Variants in ARHGAP19 observed in about 807,000 individuals in gnomAD.
The protein encoded by ARHGAP19 is Rho GTPase activating protein 19.
A neutral mutation model predicts 60.9 loss-of-function variants in ARHGAP19; 48 were observed. That is an observed-to-expected ratio of 0.79 (90% CI 0.62 to 1.00). ARHGAP19 has a LOEUF of 1.00. ARHGAP19 is among the 50% of genes least tolerant of loss of function. The probability of loss-of-function intolerance (pLI) is 0.00; values close to 1 mark genes in which losing one functional copy is unlikely to be tolerated. For missense variants in ARHGAP19, 562 were observed against 597.2 expected, an observed-to-expected ratio of 0.94 and a Z score of 0.61; for synonymous variants, 209 against 215.5, an observed-to-expected ratio of 0.97 and a Z score of 0.27.
intron 1 of ARHGAP19, among the ~76,000 whole-genome samples, chr10:97,273,039 A>G (rs929704886): frequency 4.6e-5 from 7 of 151,346 alleles, no homozygotes; most frequent in African/African-American, 1.5e-4. Context: ...ACGGGGTTTC[A>G]CCGTGTTAGC....
rs34038589 is a variant in ARHGAP19 at position 97,244,054 on chromosome 10, G to A, written c.1099C>T (p.His367Tyr). 35,552 of 1,613,956 alleles carry A rather than the reference G, an allele frequency of 0.022. 494 individuals are homozygous for A. Among genetic ancestry groups the A allele is most frequent in the Middle Eastern group, 0.036 (219 of 6,062 alleles). Residue 367 changes from histidine (H) to tyrosine (Y), a missense_variant, in exon 8 of 12, where the codon CAC (histidine) becomes TAC (tyrosine). His to Tyr is a moderately conservative substitution (Grantham distance 83). Coordinates refer to ENST00000358531, the MANE Select transcript of ARHGAP19 (RefSeq NM_032900.6). ...DSCPHQEETQ[H>Y]HTEEALRELF... is the part of the protein sequence containing the mutation. ...TCTCTCAGTGCCTCTTCCGTATGGT[G>A]CTGGGTCTCCTCCTGGTGAGGGCAG...
At chr10:97,254,489 G>T (rs984687307) in intron 6 of ARHGAP19, among the ~76,000 whole-genome samples, 1 of 152,142 alleles carries the variant, frequency 6.6e-6, no homozygotes, top group Non-Finnish European at 1.5e-5. Context: ...ACATGCAAAA[G>T]AATGAGGTTG....
chr10:97,244,136 T>G lies in ARHGAP19; in HGVS notation c.1017A>C (p.Ser339=), dbSNP rs566602798. The G allele has an allele frequency of 2.0e-5, 32 of 1,612,802 alleles. 1 individual carries two copies. In the South Asian group the frequency reaches 3.2e-4, roughly 16 times the overall value. Reference sequence around the variant, plus strand: ...CCAGCTGAAAGGACTTAGTATGACATGAAGCTATGAGGTCAAGGTCATCCT... The same window carrying G: ...CCAGCTGAAAGGACTTAGTATGACAGGAAGCTATGAGGTCAAGGTCATCCT... ...ASKDDLDLIA[S]CHTKSFQLAK... The change falls in exon 8 of 12, where the codon TCA becomes TCC. Residue 339 remains serine (S), a synonymous_variant. Transcript: ENST00000358531.
chr10:97,254,902 T>C (rs1026471695), intron 6 of ARHGAP19, among the ~76,000 whole-genome samples: 11 of 152,200 alleles, frequency 7.2e-5, no homozygotes, highest in African/African-American at 2.4e-4. Context: ...AAGGAAATCC[T>C]GTCACATGCT....
intron 6 of ARHGAP19, among the ~76,000 whole-genome samples, chr10:97,248,078 G>A (rs773633538): frequency 6.7e-6 from 1 of 149,944 alleles, no homozygotes; most frequent in Non-Finnish European, 1.5e-5. Context: ...TGATTCTTCC[G>A]CCTCAGCCTC....
At chr10:97,290,090 C>A (rs1401162703) in intron 1 of ARHGAP19, among the ~76,000 whole-genome samples, 2 of 152,068 alleles carry the variant, frequency 1.3e-5, no homozygotes, top group African/African-American at 4.8e-5. Context: ...GTGGAAAACT[C>A]GGGCAACCCC....
At position 97,223,679 on chromosome 10, in the gene ARHGAP19, ACT is replaced by A. The variant is rs892126528; in HGVS notation, c.*2441_*2442del. 2.6e-5 allele frequency: 4 copies of A among 152,036 alleles called. No individual in the cohort carries two copies. Among genetic ancestry groups the A allele is most frequent in the African/African-American group, 9.7e-5 (4 of 41,374 alleles). 9.4% of individuals were successfully genotyped at this position (152,036 alleles called of 1,614,324 possible). ...CAAAAAAAATCTTATAGATTAAAAA[ACT>A]CTGTTAAATACTGGCTCAAAAACAA... is the stretch of plus-strand genomic sequence containing the variant. On this transcript the variant is annotated 3_prime_UTR_variant, in exon 12 of 12. Transcript: ENST00000358531.
intron 1 of ARHGAP19, 85 bp downstream of exon 1, chr10:97,292,487 T>C: frequency 6.6e-7 from 1 of 1,510,916 alleles, no homozygotes; most frequent in Non-Finnish European, 9.2e-7. Flanking sequence ...GCCCGAACCG[T>C]GCGCCTCCGT....
At chr10:97,246,443 C>CT in intron 6 of ARHGAP19, 106 bp from the exon 7 acceptor site, 1 of 896,014 alleles carries the variant, frequency 1.1e-6, no homozygotes. Context: ...CAGCAGATTA[C>CT]TTTTAAAAAG....
intron 1 of ARHGAP19, among the ~76,000 whole-genome samples, chr10:97,284,331 C>T (rs1454496323): frequency 2.0e-5 from 3 of 152,094 alleles, no homozygotes; most frequent in Non-Finnish European, 4.4e-5. Flanking sequence ...CCATGTTGGC[C>T]AGGCTGGTCT....
intron 1 of ARHGAP19, among the ~76,000 whole-genome samples, chr10:97,286,029 T>C (rs529841212): frequency 6.6e-6 from 1 of 152,196 alleles, no homozygotes; most frequent in Non-Finnish European, 1.5e-5. Flanking sequence ...ACAGGCCTTA[T>C]TTACAAATAT....
chr10:97,290,549 C>T (rs1015570123), intron 1 of ARHGAP19, among the ~76,000 whole-genome samples: 1 of 152,108 alleles, frequency 6.6e-6, no homozygotes, highest in African/African-American at 2.4e-5. Context: ...TCAGAGAACA[C>T]TAGGCTTGCC....
At chr10:97,264,570 G>C (rs1448981921) in intron 3 of ARHGAP19, among the ~76,000 whole-genome samples, 1 of 152,162 alleles carries the variant, frequency 6.6e-6, no homozygotes, top group African/African-American at 2.4e-5. Context: ...TTCCAGAAGT[G>C]TCTCTCTGAG....
intron 1 of ARHGAP19, among the ~76,000 whole-genome samples, chr10:97,290,499 G>T (rs1488298565): frequency 6.6e-6 from 1 of 152,152 alleles, no homozygotes; most frequent in Non-Finnish European, 1.5e-5. Flanking sequence ...CATGGCCCAA[G>T]ATTCCATTCC....
At chr10:97,246,411 G>C in intron 6 of ARHGAP19, 74 bp from the exon 7 acceptor site, 1 of 1,197,064 alleles carries the variant, frequency 8.4e-7, no homozygotes. Context: ...CGCAAGGACA[G>C]TGGTTCTCAA....
rs1186070304 is a variant in ARHGAP19 at position 97,256,393 on chromosome 10, A to G, written c.852T>C (p.Asn284=). ...HVLWPKNVTA[N]DLQENITKLN... The stretch of plus-strand genomic sequence containing the variant: ...ACTTTGTGATATTCTCCTGAAGGTC[A>G]TTTGCAGTGACCTATTCAGAGGAAA... The change falls in exon 6 of 12, where the codon AAT becomes AAC. Residue 284 remains asparagine (N), a synonymous_variant. Coordinates refer to ENST00000358531, the MANE Select transcript of ARHGAP19 (RefSeq NM_032900.6). 6.2e-7 allele frequency: 1 copy of G among 1,613,562 alleles called. No homozygotes were observed.
intron 2 of ARHGAP19, 100 bp downstream of exon 2, chr10:97,265,760 C>T: frequency 6.7e-7 from 1 of 1,486,782 alleles, no homozygotes; most frequent in Non-Finnish European, 9.0e-7. Context: ...CCAAAAAATG[C>T]TTTAAGTTAA....
chr10:97,261,818 T>G (rs1589464816), intron 4 of ARHGAP19, among the ~76,000 whole-genome samples: 1 of 152,116 alleles, frequency 6.6e-6, no homozygotes, highest in Admixed American at 6.5e-5. Context: ...CTGTGAACAC[T>G]TAGAGCCCAT....
chr10:97,248,681 G>GC (rs1404789071), intron 6 of ARHGAP19, among the ~76,000 whole-genome samples: 3 of 152,130 alleles, frequency 2.0e-5, no homozygotes, highest in Admixed American at 6.5e-5. Context: ...CTAGGCCAGC[G>GC]CAAGTACAAA....
Sources: allele counts gnomAD v4.1 joint callset (sites outside exome capture counted in the v4.1 genomes callset), GRCh38; gene constraint gnomAD v4.1.1; transcripts MANE v1.5; gene names NCBI Gene and HGNC (gene_info 2026-07-23, HGNC 2026-07-21).